Variants in UNKL observed in about 807,000 individuals in gnomAD.
UNKL encodes the protein unk like zinc finger.
A neutral mutation model predicts 78.0 loss-of-function variants in UNKL; 60 were observed. The observed-to-expected ratio is 0.77, with a 90% confidence interval of 0.63 to 0.95. The LOEUF is 0.95. UNKL is among the 40% of genes least tolerant of loss of function. UNKL has a pLI of 0.00. For synonymous variants in UNKL, 608 were observed against 474.8 expected, an observed-to-expected ratio of 1.28 and a Z score of -3.65; for missense variants, 1,159 against 1,045.7, an observed-to-expected ratio of 1.11 and a Z score of -1.49.
Position 1,370,306 on chromosome 16 carries a change from G to A in UNKL, c.1409C>T (p.Pro470Leu), listed in dbSNP as rs906797066. Residue 470 changes from proline (P) to leucine (L), a missense_variant, in exon 12 of 15, where the codon CCC becomes CTC. Coordinates refer to ENST00000389221, the MANE Select transcript of UNKL (RefSeq NM_001372107.1). ...TGGCGAGTGTAGCGATGGTGCTCTG[G>A]GCAGGGAGCCGGGGATGGCGACAGG... ...SAPVAIPGSL[P>L]RAPSLHSPSS... 11 of 1,533,998 alleles carry A rather than the reference G, an allele frequency of 7.2e-6. No individual in the cohort carries two copies. In the African/African-American group the frequency reaches 1.2e-4, roughly 17 times the overall value.
Position 1,387,099 on chromosome 16 carries a change from C to A in UNKL, c.1087-1714G>T, listed in dbSNP as rs1226954702. The stretch of plus-strand genomic sequence containing the variant: ...CCTCCCAGCCATGCAGCACCGGGGA[C>A]CCTCCCAGCAATGCAGCACCGGGGA... On this transcript the variant is annotated intron_variant, in intron 9 of 14. Coordinates refer to ENST00000389221, the MANE Select transcript of UNKL (RefSeq NM_001372107.1). This position sits in a 1 kb window ranked among gnomAD's most constrained non-coding sequence, Gnocchi z 4.1. 6.6e-6 allele frequency among the ~76,000 whole-genome samples: 1 copy of A among 151,358 alleles called. No homozygotes were observed. Among genetic ancestry groups the A allele is most frequent in the African/African-American group, 2.4e-5 (1 of 41,226 alleles).
chr16:1,375,236 A>C (rs1304056221), intron 10 of UNKL, among the ~76,000 whole-genome samples: 1 of 152,316 alleles, frequency 6.6e-6, no homozygotes, highest in East Asian at 1.9e-4. Flanking sequence ...GGGCCTCTGA[A>C]CTTCACCCCG....
At chr16:1,367,891 C>T (rs952931463) in intron 12 of UNKL, 33 bp from the exon 13 acceptor site, 1 of 1,519,968 alleles carries the variant, frequency 6.6e-7, no homozygotes, top group Admixed American at 2.0e-5. Context: ...CGGCCCAGCC[C>T]TGCTGTGCTC....
chr16:1,402,558 G>C (rs903429039), intron 3 of UNKL, among the ~76,000 whole-genome samples: 1 of 152,166 alleles, frequency 6.6e-6, no homozygotes, highest in African/African-American at 2.4e-5. Flanking sequence ...AGCTACTCGG[G>C]AGGCTGAGGC....
chr16:1,398,681 A>AGGGCCCCCCCCC, intron 5 of UNKL: 1 of 694,492 alleles, frequency 1.4e-6, no homozygotes, highest in Non-Finnish European at 1.9e-6. Context: ...TGGGGTCTGC[A>AGGGCCCCCCCCC]CCCCCCCACC....
At chr16:1,401,024 CAT>C (rs2037501404) in intron 4 of UNKL, among the ~76,000 whole-genome samples, 1 of 152,178 alleles carries the variant, frequency 6.6e-6, no homozygotes, top group South Asian at 2.1e-4. Context: ...ATCTCCCCTG[CAT>C]ATAACCTCAT....
intron 8 of UNKL, among the ~76,000 whole-genome samples, chr16:1,392,306 C>G (rs1404961439): frequency 1.3e-5 from 2 of 152,098 alleles, no homozygotes; most frequent in South Asian, 2.1e-4. Context: ...TGAAGGTGTC[C>G]TCTCCCCTCT....
chr16:1,375,721 G>A (rs553847146), intron 10 of UNKL, among the ~76,000 whole-genome samples: 5 of 152,318 alleles, frequency 3.3e-5, no homozygotes, highest in East Asian at 3.9e-4. Flanking sequence ...AGTAGCATCC[G>A]AAAATGCCTC....
intron 5 of UNKL, among the ~76,000 whole-genome samples, chr16:1,397,728 G>C (rs1473297910): frequency 1.9e-5 from 1 of 51,614 alleles, no homozygotes; most frequent in African/African-American, 9.7e-5. Context: ...GCAGGGCATG[G>C]ACCTGGGGAT....
chr16:1,366,973 C>G (rs968568103), intron 14 of UNKL, 119 bp downstream of exon 14: 3 of 1,426,368 alleles, frequency 2.1e-6, no homozygotes, highest in African/African-American at 1.4e-5. Context: ...TCCCTAGGCC[C>G]GGAGCAGACC....
intron 10 of UNKL, among the ~76,000 whole-genome samples, 197 bp from the exon 11 acceptor site, chr16:1,371,808 G>C (rs2035864011): frequency 6.6e-6 from 1 of 152,200 alleles, no homozygotes; most frequent in East Asian, 1.9e-4. Flanking sequence ...AGGCTTGGCT[G>C]TTCCTCCGGC....
At chr16:1,393,325 G>T (rs1260764200) in intron 7 of UNKL, among the ~76,000 whole-genome samples, 1 of 152,026 alleles carries the variant, frequency 6.6e-6, no homozygotes, top group Non-Finnish European at 1.5e-5. Context: ...GGCCGTGTGG[G>T]TTCCCACTGA....
chr16:1,384,747 C>T (rs1354875248), intron 10 of UNKL, among the ~76,000 whole-genome samples: 1 of 152,184 alleles, frequency 6.6e-6, no homozygotes, highest in Non-Finnish European at 1.5e-5. Context: ...CACAGGTGCG[C>T]ACCACCATGC....
chr16:1,399,031 G>T lies in UNKL; in HGVS notation c.734+343C>A. ...GACAGCATGCAGCCCACAGGCTGGA[G>T]AGCGTGGCTGCAACCAGAGGCACGG... On this transcript the variant is annotated intron_variant, in intron 5 of 14. Coordinates refer to ENST00000389221, the MANE Select transcript of UNKL (RefSeq NM_001372107.1). This position sits in a 1 kb window ranked among gnomAD's most constrained non-coding sequence, Gnocchi z 5.8. 1 of 1,438,480 alleles carries T rather than the reference G, an allele frequency of 7.0e-7. No homozygotes were observed. Among genetic ancestry groups the T allele is most frequent in the East Asian group, 2.5e-5 (1 of 39,648 alleles). 89.1% of individuals were successfully genotyped at this position (1,438,480 alleles called of 1,614,324 possible). A position where few individuals can be genotyped will look rare whatever the true frequency, so the allele number is the denominator to read the frequency against.
Position 1,388,703 on chromosome 16 carries a change from T to C in UNKL, c.1086+1929A>G, listed in dbSNP as rs111444857. Among the ~76,000 whole-genome samples the C allele has an allele frequency of 1.7e-3, 257 of 151,810 alleles. 3 individuals are homozygous for C. The highest frequency in any genetic ancestry group is 5.4e-3 in the African/African-American group (222 of 41,264). On this transcript the variant is annotated intron_variant, in intron 9 of 14. Coordinates refer to ENST00000389221, the MANE Select transcript of UNKL (RefSeq NM_001372107.1). ...ACAGTGAGAGGGGTCAGACGAGAGC[T>C]CCGTGAGGATCCCGCACCTTCACTA... is the stretch of plus-strand genomic sequence containing the variant.
intron 2 of UNKL, among the ~76,000 whole-genome samples, chr16:1,409,407 G>T (rs112530986): frequency 8.7e-5 from 2 of 23,094 alleles, no homozygotes; most frequent in African/African-American, 6.9e-4. Context: ...TAATTATGGA[G>T]GAGAGATCTC....
intron 9 of UNKL, among the ~76,000 whole-genome samples, chr16:1,388,422 C>G (rs1391620381): frequency 6.6e-6 from 1 of 152,160 alleles, no homozygotes; most frequent in African/African-American, 2.4e-5. Flanking sequence ...GGAGGGGACT[C>G]CACCCCGGAG....
At chr16:1,412,130 A>G (rs2038068459) in intron 2 of UNKL, 1 of 152,170 alleles carries the variant, frequency 6.6e-6, no homozygotes, top group African/African-American at 2.4e-5. Context: ...CCAGCAGCCC[A>G]CAGGAAGCAA....
At chr16:1,375,563 C>T (rs755840591) in intron 10 of UNKL, among the ~76,000 whole-genome samples, 3 of 152,192 alleles carry the variant, frequency 2.0e-5, no homozygotes, top group Non-Finnish European at 2.9e-5. Flanking sequence ...GGACGGCACA[C>T]GGCGCATGCG....
Sources: allele counts gnomAD v4.1 joint callset (sites outside exome capture counted in the v4.1 genomes callset), GRCh38; gene constraint gnomAD v4.1.1; non-coding constraint Gnocchi (gnomAD v3.1); transcripts MANE v1.5; gene names NCBI Gene and HGNC (gene_info 2026-07-23, HGNC 2026-07-21).